Variants in AGMO observed in about 807,000 individuals in gnomAD.
AGMO encodes the protein alkylglycerol monooxygenase.
In AGMO, 75 loss-of-function variants were observed where a neutral mutation model predicts 60.2. The observed-to-expected ratio is 1.25, with a 90% CI of 1.03 to 1.51. The LOEUF is 1.51. Among genes scored for constraint, AGMO ranks in the 40% most tolerant of loss-of-function variants. The pLI, the probability that AGMO is intolerant of heterozygous loss-of-function variation, is 0.00. For synonymous variants in AGMO, 261 were observed against 177.1 expected (o/e 1.47, Z -3.76); for missense variants, 763 against 525.5 (o/e 1.45, Z -4.42).
At chr7:15,533,115 A>C (rs962254412) in intron 3 of AGMO, among the ~76,000 whole-genome samples, 5 of 152,098 alleles carry the variant, frequency 3.3e-5, no homozygotes, top group African/African-American at 1.2e-4. Flanking sequence ...TTTCTGTTTC[A>C]GTTTTTGGTT....
chr7:15,394,226 G>T, intron 5 of AGMO, 47 bp from the exon 6 acceptor site: 1 of 1,311,314 alleles, frequency 7.6e-7, no homozygotes, highest in Non-Finnish European at 1.1e-6. Flanking sequence ...ATCATTAAAT[G>T]TGTGTTAGTA....
intron 12 of AGMO, among the ~76,000 whole-genome samples, chr7:15,280,693 C>G (rs547328478): frequency 6.6e-6 from 1 of 152,336 alleles, no homozygotes; most frequent in South Asian, 2.1e-4. Flanking sequence ...CGGTCCATCA[C>G]AGCATCTCTG....
rs537025933 is a variant in AGMO at position 15,394,221 on chromosome 7, T to G, written c.610-42A>C. 2.7e-5 allele frequency: 36 copies of G among 1,343,920 alleles called. 1 individual carries two copies. In the South Asian group the frequency reaches 4.2e-4, roughly 16 times the overall value. The allele number at this position is 1,343,920 out of a possible 1,614,324, so 83.2% of individuals were successfully genotyped here. ...GAATATTTATACATGTAGTTATCATTAAATGTGTGTTAGTATATAAATGCT... is the reference window on the plus strand; with the variant it reads ...GAATATTTATACATGTAGTTATCATGAAATGTGTGTTAGTATATAAATGCT... On this transcript the variant is annotated intron_variant, in intron 5 of 12. Coordinates refer to ENST00000342526, the MANE Select transcript of AGMO (RefSeq NM_001004320.2).
the AGMO span, among the ~76,000 whole-genome samples, chr7:15,188,478 A>G: frequency 6.6e-6 from 1 of 152,338 alleles, no homozygotes; most frequent in African/African-American, 2.4e-5. Context: ...AAACATAAGT[A>G]TACTGTCAAT....
intron 3 of AGMO, among the ~76,000 whole-genome samples, chr7:15,471,075 C>T (rs1782440522): frequency 6.6e-6 from 1 of 151,838 alleles, no homozygotes; most frequent in Admixed American, 6.6e-5. Flanking sequence ...TTAAAATGGA[C>T]AAATTTTCCT....
the AGMO span, among the ~76,000 whole-genome samples, chr7:15,126,721 G>T: frequency 6.6e-6 from 1 of 152,026 alleles, no homozygotes; most frequent in Non-Finnish European, 1.5e-5. Context: ...ACGTTTCTCT[G>T]ACATATCTTG....
At chr7:15,348,585 G>C (rs1043229977) in intron 12 of AGMO, among the ~76,000 whole-genome samples, 1 of 151,870 alleles carries the variant, frequency 6.6e-6, no homozygotes, top group Non-Finnish European at 1.5e-5. Context: ...CTATAGCTTT[G>C]GCTAATTTCT....
chr7:15,182,980 T>A, the AGMO span, among the ~76,000 whole-genome samples: 1 of 151,970 alleles, frequency 6.6e-6, no homozygotes, highest in South Asian at 2.1e-4. Context: ...GAGAACTCTA[T>A]CATGAGAACA....
At chr7:15,192,603 G>A in the AGMO span, among the ~76,000 whole-genome samples, 2 of 152,110 alleles carry the variant, frequency 1.3e-5, no homozygotes, top group African/African-American at 2.4e-5. Context: ...CAGGTACCAA[G>A]AGCGCAGGGT....
intron 12 of AGMO, among the ~76,000 whole-genome samples, chr7:15,278,265 C>T (rs117634580): frequency 0.016 from 2,422 of 152,160 alleles, 26 homozygotes; most frequent in Middle Eastern, 0.034. Context: ...CCTTTCAGAA[C>T]ATGTGGGTGG....
chr7:15,520,208 G>C lies in AGMO; in HGVS notation c.409+24564C>G, dbSNP rs10264131. ...CCCAGATTCATAAAGCAAGTGCTTA[G>C]AGACCTACGAAGAGACTTAGACTCC... On this transcript the variant is annotated intron_variant, in intron 3 of 12. Transcript: ENST00000342526. Among the ~76,000 whole-genome samples, 7 of 152,214 alleles carry C rather than the reference G, an allele frequency of 4.6e-5. No homozygotes were observed. In the East Asian group the frequency reaches 1.2e-3, roughly 25 times the overall value.
At chr7:15,306,413 T>A in intron 12 of AGMO, 1 of 393,390 alleles carries the variant, frequency 2.5e-6, no homozygotes, top group South Asian at 1.9e-5. Flanking sequence ...TACAAAAAAA[T>A]AGTTTGGTAG....
rs555101102 is a variant in AGMO at position 15,349,865 on chromosome 7, T to A, written c.1263+15649A>T. 3.3e-5 allele frequency among the ~76,000 whole-genome samples: 5 copies of A among 152,142 alleles called. No individual in the cohort carries two copies. In the East Asian group the frequency reaches 9.7e-4, roughly 29 times the overall value. On this transcript the variant is annotated intron_variant, in intron 12 of 12. Transcript: ENST00000342526. The stretch of plus-strand genomic sequence containing the variant: ...TCATGAGAACAAGATGGGAGTAACC[T>A]CCCCCAGTGATTGAATTACCTCTTA...
intron 12 of AGMO, among the ~76,000 whole-genome samples, chr7:15,212,039 G>T (rs1409218365): frequency 6.6e-6 from 1 of 151,848 alleles, no homozygotes; most frequent in African/African-American, 2.4e-5. Flanking sequence ...AAAATGCCTT[G>T]GAGAATTATT....
At chr7:15,262,890 G>T (rs1007993491) in intron 12 of AGMO, among the ~76,000 whole-genome samples, 1 of 152,034 alleles carries the variant, frequency 6.6e-6, no homozygotes, top group Non-Finnish European at 1.5e-5. Flanking sequence ...GTAGAAGAAT[G>T]AAACTGGATC....
intron 12 of AGMO, among the ~76,000 whole-genome samples, chr7:15,281,320 T>G (rs1783958678): frequency 6.6e-6 from 1 of 152,166 alleles, no homozygotes; most frequent in African/African-American, 2.4e-5. Flanking sequence ...AGCTGGGGCT[T>G]CCACCATGGG....
At chr7:15,374,949 A>G (rs1783386963) in intron 10 of AGMO, among the ~76,000 whole-genome samples, 1 of 152,118 alleles carries the variant, frequency 6.6e-6, no homozygotes, top group Admixed American at 6.6e-5. Flanking sequence ...CCAAGGGCAA[A>G]AAAGGATCAG....
At chr7:15,423,858 C>T (rs1278892653) in intron 4 of AGMO, among the ~76,000 whole-genome samples, 1 of 152,064 alleles carries the variant, frequency 6.6e-6, no homozygotes, top group Non-Finnish European at 1.5e-5. Flanking sequence ...ACCCTGCTGC[C>T]ATCTTGATGT....
chr7:15,343,036 T>C (rs945007129), intron 12 of AGMO, among the ~76,000 whole-genome samples: 4 of 152,084 alleles, frequency 2.6e-5, no homozygotes, highest in Non-Finnish European at 5.9e-5. Flanking sequence ...TCTGAAAAGG[T>C]ACCTAATATT....
Sources: allele counts gnomAD v4.1 joint callset (sites outside exome capture counted in the v4.1 genomes callset), GRCh38; gene constraint gnomAD v4.1.1; transcripts MANE v1.5; gene names NCBI Gene and HGNC (gene_info 2026-07-23, HGNC 2026-07-21).